MTA3: variants seen among roughly 807,000 people sequenced by gnomAD.
MTA3 encodes metastasis associated 1 family member 3.
A neutral mutation model predicts 83.5 loss-of-function variants in MTA3; 34 were observed. The ratio of observed to expected loss-of-function variants is 0.41; its 90% CI spans 0.31 to 0.54. MTA3 has a LOEUF of 0.54. Ranked by LOEUF, MTA3 falls within the 20% of genes least tolerant of loss-of-function variation. The pLI is 0.33. For synonymous variants in MTA3, 303 were observed against 252.7 expected, an observed-to-expected ratio of 1.20 and a Z score of -1.89; for missense variants, 761 against 726.4, an observed-to-expected ratio of 1.05 and a Z score of -0.55.
At chr2:42,494,533 C>G (rs1476045229), upstream of MTA3, 1 of 152,314 alleles carries the variant, frequency 6.6e-6, no homozygotes, top group Non-Finnish European at 1.5e-5. Flanking sequence ...ACCCACGTAC[C>G]GCGTGCTCAG....
chr2:42,729,083 T>C (rs950584084), intron 16 of MTA3, among the ~76,000 whole-genome samples: 1 of 131,686 alleles, frequency 7.6e-6, no homozygotes, highest in Non-Finnish European at 1.6e-5. Flanking sequence ...TTTCACAGTT[T>C]GAGTTTTTTT....
At position 42,609,483 on chromosome 2, in the gene MTA3, A is replaced by C. The variant is rs1322821348; in HGVS notation, c.216A>C (p.Thr72=). 1.9e-6 allele frequency: 3 copies of C among 1,613,788 alleles called. No homozygotes were observed. In the Admixed American group the frequency reaches 5.0e-5, roughly 27 times the overall value. The stretch of plus-strand genomic sequence containing the variant: ...AAGAAATTGAGGAAGAATCTGAAAC[A>C]ACAGTTGAGGCTGACTTGACCGATA... ...HAKEIEEESE[T]TVEADLTDKQ... is the part of the protein sequence containing the mutation. The change falls in exon 4 of 17, where the codon ACA becomes ACC. Residue 72 remains threonine (T), a synonymous_variant. Transcript: ENST00000405094.
chr2:42,559,582 A>T (rs1252864825), intron 2 of MTA3, among the ~76,000 whole-genome samples: 5 of 151,276 alleles, frequency 3.3e-5, no homozygotes, highest in Admixed American at 6.6e-5. Flanking sequence ...GCTCTGCCTT[A>T]AAAAATATAT....
chr2:42,654,648 T>A (rs1376001884), intron 6 of MTA3, among the ~76,000 whole-genome samples: 1 of 152,216 alleles, frequency 6.6e-6, no homozygotes, highest in Non-Finnish European at 1.5e-5. Flanking sequence ...TGTTTTGTTT[T>A]GTGACACCCA....
intron 2 of MTA3, among the ~76,000 whole-genome samples, chr2:42,507,531 AG>A (rs1267745398): frequency 1.3e-5 from 2 of 152,162 alleles, no homozygotes; most frequent in African/African-American, 4.8e-5. Context: ...TCGAGGGACT[AG>A]GAATATGAGG....
At chr2:42,510,459 G>A (rs1018608117) in intron 2 of MTA3, among the ~76,000 whole-genome samples, 1 of 151,996 alleles carries the variant, frequency 6.6e-6, no homozygotes, top group African/African-American at 2.4e-5. Context: ...CTGGGTCCCC[G>A]CCTTCACCCC....
Position 42,754,048 on chromosome 2 carries a change from A to G in MTA3, c.*649A>G, listed in dbSNP as rs952951049. The G allele has an allele frequency of 5.1e-5, 50 of 985,368 alleles. No homozygotes were observed. Among genetic ancestry groups the G allele is most frequent in the East Asian group, 1.1e-4 (1 of 8,820 alleles). 61.0% of individuals were successfully genotyped at this position (985,368 alleles called of 1,614,324 possible). ...AAGGAACAGAATTACCGAGGTTCTGACAAAAGATAAGCCTGTAAACTCATC... is the reference window on the plus strand; with the variant it reads ...AAGGAACAGAATTACCGAGGTTCTGGCAAAAGATAAGCCTGTAAACTCATC... On this transcript the variant is annotated 3_prime_UTR_variant, in exon 17 of 17. Transcript: ENST00000405094.
chr2:42,524,468 T>TTG (rs1391083994), intron 2 of MTA3, among the ~76,000 whole-genome samples: 93 of 123,612 alleles, frequency 7.5e-4, no homozygotes, highest in African/African-American at 1.8e-3. Flanking sequence ...GCCTGGCTAG[T>TTG]TGTGTTTTTT....
intron 8 of MTA3, among the ~76,000 whole-genome samples, chr2:42,660,446 T>A (rs1009155501): frequency 6.6e-6 from 1 of 152,228 alleles, no homozygotes; most frequent in Non-Finnish European, 1.5e-5. Flanking sequence ...TAAATCTATT[T>A]ACTTTTTTCT....
At chr2:42,580,100 C>T (rs1302511532) in intron 3 of MTA3, among the ~76,000 whole-genome samples, 2 of 152,026 alleles carry the variant, frequency 1.3e-5, no homozygotes, top group Non-Finnish European at 1.5e-5. Context: ...TGCACCACGA[C>T]ACCAGGCTAA....
intron 3 of MTA3, among the ~76,000 whole-genome samples, chr2:42,593,731 G>A (rs1038068367): frequency 6.6e-6 from 1 of 151,730 alleles, no homozygotes; most frequent in African/African-American, 2.4e-5. Flanking sequence ...CTGAGACGGA[G>A]TTTTGCTCTG....
chr2:42,596,471 T>G (rs1357711476), intron 3 of MTA3, among the ~76,000 whole-genome samples: 1 of 152,230 alleles, frequency 6.6e-6, no homozygotes, highest in Non-Finnish European at 1.5e-5. Context: ...TTGGCAGTTA[T>G]GGCAAGTTTG....
chr2:42,709,369 G>C, intron 14 of MTA3: 1 of 1,175,104 alleles, frequency 8.5e-7, no homozygotes, highest in South Asian at 1.8e-5. Flanking sequence ...CCTATTCCAT[G>C]GGGTTTTGTG....
At chr2:42,529,259 T>G (rs748175224) in intron 2 of MTA3, among the ~76,000 whole-genome samples, 14 of 152,130 alleles carry the variant, frequency 9.2e-5, no homozygotes, top group South Asian at 2.1e-4. Context: ...CTAGGCCTCT[T>G]TACTCTCTTT....
At chr2:42,727,936 A>G (rs1164065333) in intron 16 of MTA3, among the ~76,000 whole-genome samples, 4 of 152,136 alleles carry the variant, frequency 2.6e-5, no homozygotes, top group Non-Finnish European at 1.5e-5. Context: ...TAAAGCATTT[A>G]TTCTTTCTTT....
At chr2:42,656,088 G>A (rs968897073) in intron 6 of MTA3, 112 bp from the exon 7 acceptor site, 44 of 738,504 alleles carry the variant, frequency 6.0e-5, no homozygotes, top group Non-Finnish European at 9.1e-5. Flanking sequence ...AAAACTGTGG[G>A]CACTTACCTT....
intron 3 of MTA3, among the ~76,000 whole-genome samples, chr2:42,584,316 C>T (rs570970285): frequency 1.5e-4 from 23 of 152,226 alleles, no homozygotes; most frequent in African/African-American, 5.1e-4. Context: ...TGAAGCACGT[C>T]AAAGAAGCCT....
chr2:42,640,175 G>T lies in MTA3; in HGVS notation c.320G>T (p.Gly107Val). ...ATTCTTTTTTTCTTTTTCAACAGGG[G>T]AAAGTGCAGTGTTGCCCTTCTGAAT... ...YESLPATHIR[G>V]KCSVALLNET... The change falls in exon 5 of 17, where the codon GGA (glycine) becomes GTA (valine). Residue 107 changes from glycine to valine, a missense_variant and splice_region_variant. Gly to Val is a moderately radical substitution (Grantham distance 109, BLOSUM62 -3). Transcript: ENST00000405094. 1 of 1,603,070 alleles carries T rather than the reference G, an allele frequency of 6.2e-7. No homozygotes were observed.
At chr2:42,537,283 G>A (rs752480389) in intron 2 of MTA3, among the ~76,000 whole-genome samples, 1 of 152,168 alleles carries the variant, frequency 6.6e-6, no homozygotes, top group Non-Finnish European at 1.5e-5. Flanking sequence ...ATCAATGTTG[G>A]CCAGGTGCAG....
Sources: allele counts gnomAD v4.1 joint callset (sites outside exome capture counted in the v4.1 genomes callset), GRCh38; gene constraint gnomAD v4.1.1; transcripts MANE v1.5; gene names NCBI Gene and HGNC (gene_info 2026-07-23, HGNC 2026-07-21).